The following HS3ST4 variants were observed in gnomAD, a reference collection of about 807,000 sequenced individuals.
HS3ST4 encodes the protein heparan sulfate-glucosamine 3-sulfotransferase 4.
HS3ST4 carries 17 observed loss-of-function variants against 29.2 expected under a neutral mutation model. The observed-to-expected ratio is 0.58, with a 90% CI of 0.40 to 0.87. HS3ST4 has a LOEUF of 0.87. Among genes scored for constraint, HS3ST4 ranks in the 40% least tolerant of loss-of-function variants. HS3ST4 has a pLI of 0.00. For synonymous variants in HS3ST4, 314 were observed against 285.7 expected, an observed-to-expected ratio of 1.10 and a Z score of -1.00; for missense variants, 627 against 634.5, an observed-to-expected ratio of 0.99 and a Z score of 0.13.
At chr16:26,083,618 A>C (rs1898750234) in intron 1 of HS3ST4, among the ~76,000 whole-genome samples, 1 of 152,238 alleles carries the variant, frequency 6.6e-6, no homozygotes, top group Non-Finnish European at 1.5e-5. Flanking sequence ...GCATTGAATA[A>C]AACTTTATTT....
chr16:25,813,895 A>C (rs1374447787), intron 1 of HS3ST4, among the ~76,000 whole-genome samples: 1 of 152,242 alleles, frequency 6.6e-6, no homozygotes, highest in Admixed American at 6.5e-5. Flanking sequence ...CCATTCACAC[A>C]GTGGAATATT....
intron 1 of HS3ST4, among the ~76,000 whole-genome samples, chr16:25,875,378 A>G (rs770211376): frequency 3.3e-5 from 5 of 152,076 alleles, no homozygotes; most frequent in South Asian, 2.1e-4. Context: ...CAAACAGTCT[A>G]TTCATGTCCA....
chr16:26,002,084 A>G (rs1399609971), intron 1 of HS3ST4, among the ~76,000 whole-genome samples: 1 of 152,146 alleles, frequency 6.6e-6, no homozygotes, highest in East Asian at 1.9e-4. Context: ...GGAGGTGAAT[A>G]GGGAACTCTG....
intron 1 of HS3ST4, among the ~76,000 whole-genome samples, chr16:25,960,207 C>A (rs12925680): frequency 6.6e-6 from 1 of 152,068 alleles, no homozygotes; most frequent in Non-Finnish European, 1.5e-5. Flanking sequence ...ATACCTGCTC[C>A]CCCTTCTCCT....
intron 1 of HS3ST4, among the ~76,000 whole-genome samples, chr16:25,765,501 A>G (rs1166482538): frequency 6.6e-6 from 1 of 152,162 alleles, no homozygotes; most frequent in Non-Finnish European, 1.5e-5. Context: ...AGGAGGGGCT[A>G]CCATTGCATT....
chr16:25,723,168 A>C (rs1266770837), intron 1 of HS3ST4, among the ~76,000 whole-genome samples: 1 of 152,236 alleles, frequency 6.6e-6, no homozygotes, highest in Admixed American at 6.5e-5. Flanking sequence ...GCTACAATTC[A>C]AGATCAGATT....
chr16:25,916,673 C>CTTTTTTTTTT (rs34339195), intron 1 of HS3ST4, among the ~76,000 whole-genome samples: 1 of 92,172 alleles, frequency 1.1e-5, no homozygotes, highest in Non-Finnish European at 2.1e-5. Flanking sequence ...CAAATGCATT[C>CTTTTTTTTTT]TTTTTTTTTT....
intron 1 of HS3ST4, among the ~76,000 whole-genome samples, chr16:25,736,105 A>G (rs1035126778): frequency 2.0e-4 from 31 of 152,218 alleles, no homozygotes; most frequent in Non-Finnish European, 4.6e-4. Flanking sequence ...CTAGGTTTTC[A>G]TCTCCTCATA....
chr16:26,015,744 G>A (rs1022860691), intron 1 of HS3ST4, among the ~76,000 whole-genome samples: 3 of 152,126 alleles, frequency 2.0e-5, no homozygotes, highest in African/African-American at 7.2e-5. Flanking sequence ...AAATTCTAAG[G>A]ATCTAGGTGT....
At chr16:26,055,780 A>G (rs577846157) in intron 1 of HS3ST4, among the ~76,000 whole-genome samples, 25 of 152,254 alleles carry the variant, frequency 1.6e-4, no homozygotes, top group African/African-American at 4.3e-4. Context: ...GGGATGAATA[A>G]TATGCTGATA....
chr16:26,130,184 CTG>C (rs1300522190), intron 1 of HS3ST4, among the ~76,000 whole-genome samples: 3 of 152,166 alleles, frequency 2.0e-5, no homozygotes, highest in African/African-American at 7.2e-5. Context: ...CGCTTCAGGA[CTG>C]TGTGTTGACG....
intron 1 of HS3ST4, among the ~76,000 whole-genome samples, chr16:25,899,915 G>T (rs545936850): frequency 9.2e-5 from 14 of 152,266 alleles, no homozygotes; most frequent in African/African-American, 3.4e-4. Context: ...AACAAGGAAG[G>T]AAGAATAGAA....
chr16:25,707,629 G>A (rs1037964491), intron 1 of HS3ST4, among the ~76,000 whole-genome samples: 1 of 152,104 alleles, frequency 6.6e-6, no homozygotes, highest in Non-Finnish European at 1.5e-5. Context: ...AAGCCAATGT[G>A]GGCAGCTTCT....
chr16:25,842,665 C>T (rs1448691312), intron 1 of HS3ST4, among the ~76,000 whole-genome samples: 1 of 152,154 alleles, frequency 6.6e-6, no homozygotes, highest in Non-Finnish European at 1.5e-5. Context: ...CCACTAGAAT[C>T]CTAGAAATTA....
intron 1 of HS3ST4, among the ~76,000 whole-genome samples, chr16:26,069,755 G>A (rs991561686): frequency 4.6e-5 from 6 of 130,294 alleles, no homozygotes; most frequent in Admixed American, 9.6e-5. Context: ...CCCTTCTTGT[G>A]TCCAAGTGTT....
chr16:26,136,393 C>A lies in HS3ST4; in HGVS notation c.*145C>A. On this transcript the variant is annotated 3_prime_UTR_variant, in exon 2 of 2. Transcript: ENST00000331351. ...CATGCAGCCAGGATTGCCTCCAGTG[C>A]TGTTAGCTTAGGCAAACAGGTGGAT... 2 of 788,500 alleles carry A rather than the reference C, an allele frequency of 2.5e-6. No individual in the cohort carries two copies. Among genetic ancestry groups the A allele is most frequent in the Non-Finnish European group, 3.9e-6 (2 of 508,836 alleles). 48.8% of individuals were successfully genotyped at this position (788,500 alleles called of 1,614,324 possible). A position where few individuals can be genotyped will look rare whatever the true frequency, so the allele number is the denominator to read the frequency against.
At chr16:25,971,093 T>C (rs56002817) in intron 1 of HS3ST4, among the ~76,000 whole-genome samples, 22,117 of 152,096 alleles carry the variant, frequency 0.15, 1,868 homozygotes, top group African/African-American at 0.23. Context: ...TCAAGTGATT[T>C]GCCCACCTCG....
intron 1 of HS3ST4, among the ~76,000 whole-genome samples, chr16:25,887,424 C>A (rs142201927): frequency 2.6e-5 from 4 of 151,938 alleles, no homozygotes; most frequent in Non-Finnish European, 5.9e-5. Flanking sequence ...GCTAGGAAGG[C>A]GGAGTATTTT....
intron 1 of HS3ST4, among the ~76,000 whole-genome samples, chr16:25,901,971 C>T (rs112643289): frequency 1.9e-3 from 282 of 152,328 alleles, no homozygotes; most frequent in African/African-American, 6.6e-3. Flanking sequence ...TATCATATGT[C>T]TGTGTCTCCC....
Sources: gnomAD v4.1 joint callset for allele counts (sites outside exome capture counted in the v4.1 genomes callset) on GRCh38, gnomAD v4.1.1 for gene constraint, MANE v1.5 for transcripts, NCBI Gene and HGNC (gene_info 2026-07-23, HGNC 2026-07-21) for gene names.